Variants in NIM1K observed in about 807,000 individuals in gnomAD.
NIM1K encodes serine/threonine-protein kinase NIM1.
Under a neutral mutation model 37.1 loss-of-function variants are expected in NIM1K, and 35 were observed. The observed-to-expected ratio is 0.94, with a 90% CI of 0.72 to 1.25. The LOEUF is 1.25. Ranked by LOEUF, NIM1K falls within the 50% of genes most tolerant of loss-of-function variation. The pLI is 0.00. For synonymous variants in NIM1K, 234 were observed against 206.6 expected, an observed-to-expected ratio of 1.13 and a Z score of -1.14; for missense variants, 564 against 548.0, an observed-to-expected ratio of 1.03 and a Z score of -0.29.
intron 2 of NIM1K, among the ~76,000 whole-genome samples, chr5:43,275,293 A>G (rs58426758): frequency 0.25 from 37,836 of 152,118 alleles, 5,223 homozygotes; most frequent in Middle Eastern, 0.44. Flanking sequence ...ATGGTGTGAA[A>G]TTATAAAATT....
At chr5:43,195,522 T>C (rs772944256) in intron 1 of NIM1K, among the ~76,000 whole-genome samples, 76 of 152,000 alleles carry the variant, frequency 5.0e-4, no homozygotes, top group Non-Finnish European at 9.1e-4. Context: ...TAGCTGGGTG[T>C]GGTGGTGCAT....
chr5:43,243,844 CCACCACACCCTGCTAGGAGGTACAA>C (rs1399516575), intron 1 of NIM1K, among the ~76,000 whole-genome samples: 2 of 152,054 alleles, frequency 1.3e-5, no homozygotes, highest in South Asian at 2.1e-4. Context: ...AAGGGGTACA[CCACCACACCCTGCTAGGAGGTACAA>C]CACCACACCC....
intron 1 of NIM1K, 50 bp downstream of exon 1, chr5:43,192,461 C>A (rs1751848149): frequency 6.6e-6 from 1 of 152,312 alleles, no homozygotes; most frequent in Non-Finnish European, 1.5e-5. Context: ...CCCCGCCACC[C>A]TTCCTCTGCT....
chr5:43,197,558 C>G (rs1017341604), intron 1 of NIM1K, among the ~76,000 whole-genome samples: 9 of 152,196 alleles, frequency 5.9e-5, no homozygotes, highest in African/African-American at 2.2e-4. Flanking sequence ...AATACTCCCT[C>G]AGATGTAATC....
At chr5:43,242,968 A>AT (rs1186340371) in intron 1 of NIM1K, 3 of 150,106 alleles carry the variant, frequency 2.0e-5, no homozygotes, top group African/African-American at 7.6e-5. Flanking sequence ...TGCTTGGCTA[A>AT]TTTTTGTATT....
At chr5:43,254,454 C>A (rs1227404710) in intron 2 of NIM1K, among the ~76,000 whole-genome samples, 1 of 152,118 alleles carries the variant, frequency 6.6e-6, no homozygotes, top group Non-Finnish European at 1.5e-5. Flanking sequence ...TCTTGGGAGT[C>A]CTAGTTACAA....
At chr5:43,226,380 G>A (rs1752457011) in intron 1 of NIM1K, among the ~76,000 whole-genome samples, 1 of 152,202 alleles carries the variant, frequency 6.6e-6, no homozygotes. Flanking sequence ...GCTTACACTT[G>A]ATGGTAAATG....
chr5:43,241,516 T>C (rs969038340), intron 1 of NIM1K, among the ~76,000 whole-genome samples: 2 of 151,788 alleles, frequency 1.3e-5, no homozygotes, highest in Non-Finnish European at 2.9e-5. Flanking sequence ...ATATTTTGTA[T>C]TTTCAGTAGA....
intron 1 of NIM1K, among the ~76,000 whole-genome samples, chr5:43,214,382 C>A (rs575954775): frequency 6.6e-6 from 1 of 152,214 alleles, no homozygotes; most frequent in African/African-American, 2.4e-5. Flanking sequence ...CCACTTCTAC[C>A]CCAATTTCAT....
At chr5:43,265,218 A>G (rs934209335) in intron 2 of NIM1K, among the ~76,000 whole-genome samples, 4 of 152,194 alleles carry the variant, frequency 2.6e-5, no homozygotes, top group African/African-American at 4.8e-5. Context: ...GTGTTTTCCA[A>G]CTTGGTTCCA....
chr5:43,204,630 A>G (rs1417641765), intron 1 of NIM1K, among the ~76,000 whole-genome samples: 1 of 150,708 alleles, frequency 6.6e-6, no homozygotes, highest in African/African-American at 2.4e-5. Context: ...AGTTGAACCC[A>G]GGAGGCGGAG....
intron 1 of NIM1K, among the ~76,000 whole-genome samples, chr5:43,221,998 G>A (rs190691695): frequency 6.6e-6 from 1 of 152,338 alleles, no homozygotes; most frequent in East Asian, 1.9e-4. Context: ...TCTGTGGTTA[G>A]TGCAGATCTT....
At chr5:43,250,042 CGG>C (rs778880472) in intron 2 of NIM1K, among the ~76,000 whole-genome samples, 1 of 151,390 alleles carries the variant, frequency 6.6e-6, no homozygotes, top group African/African-American at 2.4e-5. Context: ...TTAGTAGAGA[CGG>C]GGTTTCACCA....
chr5:43,264,970 G>C (rs1047159648), intron 2 of NIM1K, among the ~76,000 whole-genome samples: 1 of 152,216 alleles, frequency 6.6e-6, no homozygotes, highest in Non-Finnish European at 1.5e-5. Flanking sequence ...GGCTTGTAGA[G>C]TTTCTGCCGA....
At chr5:43,278,310 A>T (rs1579617359) in intron 3 of NIM1K, among the ~76,000 whole-genome samples, 1 of 152,032 alleles carries the variant, frequency 6.6e-6, no homozygotes. Context: ...CTCCCAAAGT[A>T]GTGGGATTAC....
chr5:43,276,959 T>G (rs949148523), intron 2 of NIM1K, 98 bp from the exon 3 acceptor site: 10 of 1,241,960 alleles, frequency 8.1e-6, no homozygotes, highest in Admixed American at 2.1e-5. Context: ...GAACAGCCAC[T>G]CTCTGTCTAG....
chr5:43,234,729 G>C (rs1242270789), intron 1 of NIM1K, among the ~76,000 whole-genome samples: 1 of 152,140 alleles, frequency 6.6e-6, no homozygotes, highest in African/African-American at 2.4e-5. Context: ...CCACCTCCTG[G>C]GTTCAAACGA....
intron 2 of NIM1K, among the ~76,000 whole-genome samples, chr5:43,255,326 A>G (rs1403464808): frequency 1.3e-5 from 2 of 152,246 alleles, no homozygotes; most frequent in Admixed American, 1.3e-4. Flanking sequence ...TATTCTAGAG[A>G]CTGGTGATAC....
intron 1 of NIM1K, among the ~76,000 whole-genome samples, chr5:43,213,165 TTTTCTTTCTTTCTTTCTTTCTTTCTTTC>T (rs70994607): frequency 1.5e-4 from 6 of 39,136 alleles, no homozygotes; most frequent in African/African-American, 5.7e-4. Flanking sequence ...TTCTTTCTTT[TTTTCTTTCTTTCTTTCTTTCTTTCTTTC>T]TTTCTTTCTT....
Sources: gnomAD v4.1 joint callset for allele counts (sites outside exome capture counted in the v4.1 genomes callset) on GRCh38, gnomAD v4.1.1 for gene constraint, MANE v1.5 for transcripts, NCBI Gene and HGNC (gene_info 2026-07-23, HGNC 2026-07-21) for gene names.